Variants in PRKN observed in about 807,000 individuals in gnomAD.
PRKN encodes the protein E3 ubiquitin-protein ligase parkin.
Under a neutral mutation model 59.5 loss-of-function variants are expected in PRKN, and 56 were observed. The observed-to-expected ratio is 0.94, with a 90% confidence interval of 0.76 to 1.18. The LOEUF (loss-of-function observed/expected upper bound fraction) is 1.18. Among genes scored for constraint, PRKN ranks in the 50% most tolerant of loss-of-function variants. PRKN has a pLI of 0.00. For missense variants in PRKN, 657 were observed against 596.4 expected, an observed-to-expected ratio of 1.10 and a Z score of -1.06; for synonymous variants, 250 against 222.1, an observed-to-expected ratio of 1.13 and a Z score of -1.12.
chr6:162,087,296 T>C (rs977590230), intron 4 of PRKN, among the ~76,000 whole-genome samples: 1 of 152,170 alleles, frequency 6.6e-6, no homozygotes, highest in Non-Finnish European at 1.5e-5. Context: ...TACATTAAGA[T>C]ATCAATATAA....
intron 2 of PRKN, among the ~76,000 whole-genome samples, chr6:162,391,675 T>C (rs1787201979): frequency 6.6e-6 from 1 of 152,210 alleles, no homozygotes; most frequent in South Asian, 2.1e-4. Context: ...CTGCAATGAC[T>C]TCATCTTGGA....
intron 6 of PRKN, among the ~76,000 whole-genome samples, chr6:161,905,330 G>C (rs1033037516): frequency 2.0e-5 from 3 of 152,202 alleles, no homozygotes; most frequent in Non-Finnish European, 4.4e-5. Flanking sequence ...GGTCACCCCA[G>C]GAGGAATTTT....
intron 9 of PRKN, among the ~76,000 whole-genome samples, chr6:161,424,952 G>A (rs990273461): frequency 6.6e-6 from 1 of 152,130 alleles, no homozygotes; most frequent in South Asian, 2.1e-4. Flanking sequence ...ACTGTCGAGG[G>A]AGACTATGGG....
chr6:161,552,409 TGATCTC>T lies in PRKN; in HGVS notation c.934-3412_934-3407del, dbSNP rs1780057398. Among the ~76,000 whole-genome samples, 2 of 47,032 alleles carry T rather than the reference TGATCTC, an allele frequency of 4.3e-5. 1 individual carries two copies. The highest frequency in any genetic ancestry group is 1.2e-4 in the African/African-American group (2 of 16,420). The allele number at this position is 47,032 out of a possible 152,430, so 30.9% of individuals were successfully genotyped here. A position where few individuals can be genotyped will look rare whatever the true frequency, so the allele number is the denominator to read the frequency against. On this transcript the variant is annotated intron_variant, in intron 8 of 11. Transcript: ENST00000366898. This position sits in a 1 kb window ranked among gnomAD's most constrained non-coding sequence, Gnocchi z 4.9. ...GTTCACCTCCACCTATGACTGTGAA[TGATCTC>T]ACGGTGATCCTCCAAGCCTCTCTCC...
intron 1 of PRKN, among the ~76,000 whole-genome samples, chr6:162,700,127 G>C (rs1778101487): frequency 6.6e-6 from 1 of 152,044 alleles, no homozygotes; most frequent in African/African-American, 2.4e-5. Context: ...TATGAAGAAG[G>C]GTATACAAGC....
rs1046576463 is a variant in PRKN, at chr6:161,413,951, A to C, written c.1084-27074T>G. On this transcript the variant is annotated intron_variant, in intron 9 of 11. Coordinates refer to ENST00000366898, the MANE Select transcript of PRKN (RefSeq NM_004562.3). This position sits in a 1 kb window ranked among gnomAD's most constrained non-coding sequence, Gnocchi z 4.4. Reference sequence around the variant, plus strand: ...GACTGTGGAAAGGGAAGCGAGGCAGAGGTGGCAGAAAGAGATGATAACTCC... The same window carrying C: ...GACTGTGGAAAGGGAAGCGAGGCAGCGGTGGCAGAAAGAGATGATAACTCC... 6.6e-6 allele frequency among the ~76,000 whole-genome samples: 1 copy of C among 152,048 alleles called. No individual in the cohort carries two copies. Among genetic ancestry groups the C allele is most frequent in the Admixed American group, 6.6e-5 (1 of 15,248 alleles).
chr6:161,370,021 T>C, intron 10 of PRKN: 1 of 440,038 alleles, frequency 2.3e-6, no homozygotes, highest in South Asian at 1.6e-5. Flanking sequence ...ACCACCATTA[T>C]TACTTTGTTA....
intron 7 of PRKN, among the ~76,000 whole-genome samples, chr6:161,678,850 A>G (rs888417519): frequency 1.3e-5 from 2 of 152,096 alleles, no homozygotes; most frequent in Non-Finnish European, 2.9e-5. Context: ...TACAGGCATG[A>G]GCCGCTGTGC....
chr6:162,036,046 C>A (rs570279137), intron 5 of PRKN, among the ~76,000 whole-genome samples: 1 of 152,094 alleles, frequency 6.6e-6, no homozygotes. Flanking sequence ...ACAATACGGC[C>A]GGGCGCGGTG....
rs180856762 is a variant in PRKN at position 161,975,152 on chromosome 6, C to G, written c.619-1735G>C. On this transcript the variant is annotated intron_variant, in intron 5 of 11. Transcript: ENST00000366898. ...CCAGGCTGGAGTGCAGTGGCGCGAT[C>G]TCAGCTCACTGCAAACTCTGCCTCC... Among the ~76,000 whole-genome samples the G allele has an allele frequency of 5.1e-4, 71 of 139,218 alleles. No homozygotes were observed. The East Asian group carries it at 0.015, about 30-fold the overall frequency. 91.3% of individuals were successfully genotyped at this position (139,218 alleles called of 152,430 possible). A position where few individuals can be genotyped will look rare whatever the true frequency, so the allele number is the denominator to read the frequency against.
chr6:162,277,348 A>G (rs2128105356), intron 2 of PRKN, among the ~76,000 whole-genome samples: 1 of 152,308 alleles, frequency 6.6e-6, no homozygotes, highest in East Asian at 1.9e-4. Flanking sequence ...ACGACAACAA[A>G]GTTTAACCCA....
intron 7 of PRKN, among the ~76,000 whole-genome samples, chr6:161,573,792 A>ATATATATATATATATT: frequency 9.0e-6 from 1 of 111,122 alleles, no homozygotes; most frequent in Non-Finnish European, 1.8e-5. Context: ...ATATATATAT[A>ATATATATATATATATT]TATAAAACTT....
At chr6:162,217,172 T>A in intron 3 of PRKN, among the ~76,000 whole-genome samples, 1 of 152,192 alleles carries the variant, frequency 6.6e-6, no homozygotes, top group East Asian at 1.9e-4. Flanking sequence ...TCTTGACACA[T>A]TCTCCATGTG....
chr6:161,691,712 C>T (rs111562032), intron 7 of PRKN, among the ~76,000 whole-genome samples: 11 of 152,090 alleles, frequency 7.2e-5, no homozygotes, highest in Non-Finnish European at 1.2e-4. Flanking sequence ...GTAAAAACCA[C>T]GGTACTAAAT....
At chr6:161,861,475 T>C (rs1416160093) in intron 6 of PRKN, among the ~76,000 whole-genome samples, 1 of 152,116 alleles carries the variant, frequency 6.6e-6, no homozygotes, top group Non-Finnish European at 1.5e-5. Flanking sequence ...ACGTAATGCA[T>C]GTGGGGCTTA....
chr6:161,638,015 T>G (rs1263952916), intron 7 of PRKN, among the ~76,000 whole-genome samples: 4 of 152,156 alleles, frequency 2.6e-5, no homozygotes, highest in African/African-American at 4.8e-5. Context: ...TTCTATCCCC[T>G]TATTGGGCCA....
At chr6:161,918,787 A>G (rs181875300) in intron 6 of PRKN, among the ~76,000 whole-genome samples, 2 of 152,306 alleles carry the variant, frequency 1.3e-5, no homozygotes, top group African/African-American at 4.8e-5. Context: ...GAGATATACG[A>G]CTGGGTTAAT....
chr6:161,572,126 T>A (rs546460282), intron 7 of PRKN, among the ~76,000 whole-genome samples: 1 of 152,334 alleles, frequency 6.6e-6, no homozygotes, highest in South Asian at 2.1e-4. Context: ...TTTCTCTTTA[T>A]AGATCCTATA....
chr6:161,635,833 C>G (rs1337655197), intron 7 of PRKN, among the ~76,000 whole-genome samples: 1 of 152,174 alleles, frequency 6.6e-6, no homozygotes, highest in Non-Finnish European at 1.5e-5. Context: ...ACGCACTTCC[C>G]TAGACAATCC....
Sources: allele counts gnomAD v4.1 joint callset (sites outside exome capture counted in the v4.1 genomes callset), GRCh38; gene constraint gnomAD v4.1.1; non-coding constraint Gnocchi (gnomAD v3.1); transcripts MANE v1.5; gene names NCBI Gene and HGNC (gene_info 2026-07-23, HGNC 2026-07-21).